The following CNTN5 variants were observed in gnomAD, a reference collection of about 807,000 sequenced individuals.
CNTN5 encodes contactin 5.
Under a neutral mutation model 129.1 loss-of-function variants are expected in CNTN5, and 77 were observed. The observed-to-expected ratio is 0.60, with a 90% CI of 0.50 to 0.72. The LOEUF (loss-of-function observed/expected upper bound fraction) is 0.72. Ranked by LOEUF, CNTN5 falls within the 30% of genes least tolerant of loss-of-function variation. CNTN5 has a pLI of 0.00. For missense variants in CNTN5, 1,478 were observed against 1,328.8 expected (o/e 1.11, Z -1.75); for synonymous variants, 509 against 465.6 (o/e 1.09, Z -1.20).
chr11:100,248,801 A>C (rs1390005098), intron 16 of CNTN5, among the ~76,000 whole-genome samples: 1 of 152,178 alleles, frequency 6.6e-6, no homozygotes, highest in Non-Finnish European at 1.5e-5. Flanking sequence ...GGACTGAACA[A>C]TCACACCATA....
chr11:100,263,457 T>G (rs1156507231), intron 17 of CNTN5, among the ~76,000 whole-genome samples: 1 of 152,190 alleles, frequency 6.6e-6, no homozygotes, highest in African/African-American at 2.4e-5. Flanking sequence ...AGAATTTATT[T>G]GATATTTAGG....
In CNTN5 at chr11:99,976,125, T is replaced by A. The variant is rs191879926; in HGVS notation, c.877+19116T>A. On this transcript the variant is annotated intron_variant, in intron 8 of 24. Transcript: ENST00000524871. ...AAACCATCCAGAGAGTCATTAAATC[T>A]TAAAGCTCCAAAATAATCTCCATTG... Among the ~76,000 whole-genome samples, 42 of 152,332 alleles carry A rather than the reference T, an allele frequency of 2.8e-4. No homozygotes were observed. The East Asian group carries it at 3.5e-3, about 13-fold the overall frequency.
Position 99,618,465 on chromosome 11 carries a change from T to A in CNTN5, c.55+62196T>A, listed in dbSNP as rs80110518. ...ACAGTTTCATGTACTAAGCTTCATCTTCTGTGTAATCTACGTGAAAGCAGA... is the reference window on the plus strand; with the variant it reads ...ACAGTTTCATGTACTAAGCTTCATCATCTGTGTAATCTACGTGAAAGCAGA... On this transcript the variant is annotated intron_variant, in intron 3 of 24. Coordinates refer to ENST00000524871, the MANE Select transcript of CNTN5 (RefSeq NM_014361.4). 6.5e-3 allele frequency among the ~76,000 whole-genome samples: 991 copies of A among 152,292 alleles called. 24 individuals are homozygous for A. In the East Asian group the frequency reaches 0.092, roughly 14 times the overall value.
At chr11:99,218,976 C>T (rs546144613) in intron 1 of CNTN5, among the ~76,000 whole-genome samples, 14 of 151,952 alleles carry the variant, frequency 9.2e-5, no homozygotes, top group Non-Finnish European at 1.3e-4. Context: ...AGATAGAAGA[C>T]GCTTAGATTT....
chr11:99,422,332 T>G (rs1231640251), intron 2 of CNTN5, among the ~76,000 whole-genome samples: 1 of 151,718 alleles, frequency 6.6e-6, no homozygotes, highest in Non-Finnish European at 1.5e-5. Flanking sequence ...CATTACACAT[T>G]CCTATGAATG....
At chr11:99,575,709 A>G (rs1365368425) in intron 3 of CNTN5, among the ~76,000 whole-genome samples, 10 of 152,168 alleles carry the variant, frequency 6.6e-5, no homozygotes, top group Admixed American at 5.9e-4. Context: ...CTTCTGTGGG[A>G]CAGAAGTTGA....
chr11:99,325,791 C>T lies in CNTN5; in HGVS notation c.-71+307C>T, dbSNP rs150292163. ...AGTAACTGAATGTGGTATAAAATGG[C>T]TGAAAACAGTAAGAAAAACAGTACT... On this transcript the variant is annotated intron_variant, in intron 2 of 24. Coordinates refer to ENST00000524871, the MANE Select transcript of CNTN5 (RefSeq NM_014361.4). Among the ~76,000 whole-genome samples the T allele has an allele frequency of 9.9e-5, 15 of 152,248 alleles. No homozygotes were observed. In the East Asian group the frequency reaches 2.5e-3, roughly 25 times the overall value.
intron 2 of CNTN5, among the ~76,000 whole-genome samples, chr11:99,507,643 G>C (rs577494079): frequency 2.0e-4 from 30 of 152,190 alleles, no homozygotes; most frequent in Admixed American, 3.9e-4. Context: ...ATAACATTTA[G>C]ATATGGAATA....
chr11:99,539,135 T>G (rs1377720680), intron 2 of CNTN5, among the ~76,000 whole-genome samples: 1 of 152,094 alleles, frequency 6.6e-6, no homozygotes, highest in Non-Finnish European at 1.5e-5. Context: ...AGATTTAGTC[T>G]AAATGATCAT....
At chr11:99,308,174 G>A (rs77526893) in intron 1 of CNTN5, among the ~76,000 whole-genome samples, 3,089 of 152,150 alleles carry the variant, frequency 0.02, 111 homozygotes, top group African/African-American at 0.07. Context: ...TAGTACTACT[G>A]GAAACCATAA....
chr11:99,540,984 G>C (rs1948085413), intron 2 of CNTN5, among the ~76,000 whole-genome samples: 1 of 151,976 alleles, frequency 6.6e-6, no homozygotes, highest in Admixed American at 6.6e-5. Context: ...AATCAGTTTT[G>C]CTTTTATGCA....
chr11:100,176,422 A>AT (rs775753220), intron 13 of CNTN5, among the ~76,000 whole-genome samples: 1 of 152,102 alleles, frequency 6.6e-6, no homozygotes, highest in Non-Finnish European at 1.5e-5. Flanking sequence ...GCCAATAGTT[A>AT]TTTTTTAAGG....
intron 3 of CNTN5, among the ~76,000 whole-genome samples, chr11:99,808,895 GC>G (rs1946349429): frequency 6.6e-6 from 1 of 152,074 alleles, no homozygotes; most frequent in Non-Finnish European, 1.5e-5. Flanking sequence ...ATCACAGTGA[GC>G]CTGTGATCAC....
chr11:99,588,884 A>C lies in CNTN5; in HGVS notation c.55+32615A>C, dbSNP rs534469625. 2.0e-5 allele frequency among the ~76,000 whole-genome samples: 3 copies of C among 152,358 alleles called. No individual in the cohort carries two copies. The East Asian group carries it at 5.8e-4, about 29-fold the overall frequency. Reference sequence around the variant, plus strand: ...TTTTGTAACGTGATTAGAGTTTCTTAGAATGAGTAATTGTCACAGTTGCTG... The same window carrying C: ...TTTTGTAACGTGATTAGAGTTTCTTCGAATGAGTAATTGTCACAGTTGCTG... On this transcript the variant is annotated intron_variant, in intron 3 of 24. Coordinates refer to ENST00000524871, the MANE Select transcript of CNTN5 (RefSeq NM_014361.4).
At chr11:99,937,506 A>G (rs1210011364) in intron 7 of CNTN5, among the ~76,000 whole-genome samples, 2 of 152,216 alleles carry the variant, frequency 1.3e-5, no homozygotes, top group African/African-American at 4.8e-5. Flanking sequence ...CAGAATGGCC[A>G]GCGGTGACAG....
chr11:100,273,559 A>T (rs1268666470), intron 18 of CNTN5, among the ~76,000 whole-genome samples: 2 of 152,042 alleles, frequency 1.3e-5, no homozygotes, highest in Admixed American at 6.5e-5. Flanking sequence ...CAGCTTGCAG[A>T]GCAGAGAAGG....
At chr11:100,046,699 C>G (rs1452836236) in intron 9 of CNTN5, among the ~76,000 whole-genome samples, 1 of 151,476 alleles carries the variant, frequency 6.6e-6, no homozygotes, top group Non-Finnish European at 1.5e-5. Context: ...TAATTTTTCC[C>G]CTATTAAAAC....
chr11:99,429,026 C>T (rs1229574296), intron 2 of CNTN5, among the ~76,000 whole-genome samples: 1 of 152,068 alleles, frequency 6.6e-6, no homozygotes, highest in Non-Finnish European at 1.5e-5. Flanking sequence ...CAAATTTTGA[C>T]AGCTTATAAT....
At chr11:100,120,261 A>G (rs34746141) in intron 13 of CNTN5, among the ~76,000 whole-genome samples, 2,716 of 152,120 alleles carry the variant, frequency 0.018, 84 homozygotes, top group African/African-American at 0.061. Flanking sequence ...AGGATTTTAT[A>G]CATATTGACA....
Sources: allele counts gnomAD v4.1 joint callset (sites outside exome capture counted in the v4.1 genomes callset), GRCh38; gene constraint gnomAD v4.1.1; transcripts MANE v1.5; gene names NCBI Gene and HGNC (gene_info 2026-07-23, HGNC 2026-07-21).